TAF4: variants seen among roughly 807,000 people sequenced by gnomAD.
The protein encoded by TAF4 is transcription initiation factor TFIID subunit 4.
In TAF4, 9 loss-of-function variants were observed where a neutral mutation model predicts 90.3. The ratio of observed to expected loss-of-function variants is 0.10; its 90% confidence interval spans 0.06 to 0.17. The LOEUF is 0.17. Ranked by LOEUF, TAF4 falls within the 10% of genes least tolerant of loss-of-function variation. The pLI, the probability that TAF4 is intolerant of heterozygous loss-of-function variation, is 1.00. For missense variants in TAF4, 1,351 were observed against 1,370.7 expected, an observed-to-expected ratio of 0.99 and a Z score of 0.23; for synonymous variants, 818 against 638.9, an observed-to-expected ratio of 1.28 and a Z score of -4.23.
intron 1 of TAF4, among the ~76,000 whole-genome samples, chr20:62,060,770 C>T (rs910625053): frequency 2.6e-5 from 4 of 152,206 alleles, no homozygotes; most frequent in Admixed American, 6.5e-5. Context: ...GCAACCCTCC[C>T]CTATGTTGGC....
rs1330227944 is a variant in TAF4, at chr20:62,015,097, G to A, written c.1361-390C>T. Among the ~76,000 whole-genome samples the A allele has an allele frequency of 1.3e-5, 2 of 152,124 alleles. 1 individual carries two copies. The highest frequency in any genetic ancestry group is 3.9e-4 in the East Asian group (2 of 5,166). ...GTGCCAGGGCCACGTCCGCTGGGCT[G>A]GGCCTAGAGGGCACAACCATGTCTA... On this transcript the variant is annotated intron_variant, in intron 1 of 14. Transcript: ENST00000252996.
At chr20:62,025,822 A>G (rs1331432142) in intron 1 of TAF4, among the ~76,000 whole-genome samples, 1 of 152,242 alleles carries the variant, frequency 6.6e-6, no homozygotes, top group East Asian at 1.9e-4. Context: ...CTGCAGTGAC[A>G]GAAAGCAGAT....
chr20:62,062,512 T>A (rs1335269191), intron 1 of TAF4, among the ~76,000 whole-genome samples: 1 of 152,188 alleles, frequency 6.6e-6, no homozygotes, highest in Non-Finnish European at 1.5e-5. Context: ...CTCACTTTTT[T>A]AGATAGTAGC....
intron 14 of TAF4, among the ~76,000 whole-genome samples, chr20:61,986,565 A>ATGCC (rs1319415708): frequency 6.6e-6 from 1 of 152,288 alleles, no homozygotes; most frequent in Non-Finnish European, 1.5e-5. Flanking sequence ...AAAGGAAGCA[A>ATGCC]TGCCCCTCCA....
intron 1 of TAF4, among the ~76,000 whole-genome samples, chr20:62,044,306 A>T (rs1402765939): frequency 6.6e-6 from 1 of 152,268 alleles, no homozygotes; most frequent in Admixed American, 6.5e-5. Context: ...TCAAGGTAAA[A>T]ATTAGCGTAT....
intron 14 of TAF4, among the ~76,000 whole-genome samples, chr20:61,976,800 T>C (rs1016586121): frequency 2.0e-5 from 3 of 152,196 alleles, no homozygotes; most frequent in Non-Finnish European, 2.9e-5. Context: ...GGACTGGGCA[T>C]GCTGGGTCAG....
chr20:62,019,786 C>T (rs1404901063), intron 1 of TAF4, among the ~76,000 whole-genome samples: 1 of 152,244 alleles, frequency 6.6e-6, no homozygotes, highest in Admixed American at 6.5e-5. Context: ...CAACAGTTTT[C>T]CTGATTCCTT....
intron 1 of TAF4, among the ~76,000 whole-genome samples, chr20:62,028,308 C>T (rs1233367084): frequency 6.6e-6 from 1 of 152,204 alleles, no homozygotes; most frequent in African/African-American, 2.4e-5. Flanking sequence ...TTTAAGTTAA[C>T]TTTAAATGGC....
At chr20:62,028,548 A>G (rs2055886617) in intron 1 of TAF4, among the ~76,000 whole-genome samples, 1 of 152,108 alleles carries the variant, frequency 6.6e-6, no homozygotes, top group Non-Finnish European at 1.5e-5. Flanking sequence ...TCCCGAGAAC[A>G]CTGCGGGGCG....
intron 1 of TAF4, among the ~76,000 whole-genome samples, chr20:62,042,846 G>A (rs910498430): frequency 1.3e-5 from 2 of 152,006 alleles, no homozygotes; most frequent in East Asian, 3.9e-4. Context: ...CCAGAAGAAG[G>A]TACTGATATC....
At chr20:62,056,360 C>T (rs574689133) in intron 1 of TAF4, among the ~76,000 whole-genome samples, 1 of 152,304 alleles carries the variant, frequency 6.6e-6, no homozygotes, top group South Asian at 2.1e-4. Context: ...AAACTAGACA[C>T]GATTTTCTTC....
intron 5 of TAF4, 50 bp from the exon 6 acceptor site, chr20:62,007,686 C>T (rs368682244): frequency 4.6e-6 from 7 of 1,521,770 alleles, no homozygotes; most frequent in Non-Finnish European, 5.4e-6. Flanking sequence ...ATTCCACACA[C>T]ACTTCTGAAT....
chr20:62,022,820 A>C (rs1484661839), intron 1 of TAF4, among the ~76,000 whole-genome samples: 2 of 152,140 alleles, frequency 1.3e-5, no homozygotes, highest in East Asian at 3.9e-4. Flanking sequence ...TATTTTGCTA[A>C]AAATTAAACT....
At chr20:62,060,113 G>A (rs893830150) in intron 1 of TAF4, among the ~76,000 whole-genome samples, 3 of 152,238 alleles carry the variant, frequency 2.0e-5, no homozygotes, top group Admixed American at 2.0e-4. Flanking sequence ...TGTCTAAGGG[G>A]CAACTTCCAC....
At chr20:61,994,064 T>C (rs951674930) in intron 14 of TAF4, among the ~76,000 whole-genome samples, 1 of 151,398 alleles carries the variant, frequency 6.6e-6, no homozygotes, top group African/African-American at 2.4e-5. Context: ...GGCTACAAAA[T>C]CTATGCCTTT....
chr20:62,009,974 T>C (rs980467134), intron 4 of TAF4, 72 bp downstream of exon 4: 4 of 1,599,756 alleles, frequency 2.5e-6, no homozygotes, highest in African/African-American at 1.3e-5. Flanking sequence ...GCCTGAGGTC[T>C]CAAGGCTGCA....
intron 14 of TAF4, among the ~76,000 whole-genome samples, chr20:61,996,795 C>CA (rs752885979): frequency 0.063 from 4,969 of 78,908 alleles, 199 homozygotes; most frequent in African/African-American, 0.15. Context: ...AAGACTGTCT[C>CA]AAAAAAAAAA....
At chr20:62,028,587 A>T (rs1419214232) in intron 1 of TAF4, among the ~76,000 whole-genome samples, 1 of 152,074 alleles carries the variant, frequency 6.6e-6, no homozygotes, top group African/African-American at 2.4e-5. Context: ...ACTTTAGGAA[A>T]TTCTTAGCAC....
At chr20:62,056,718 C>T (rs552505788) in intron 1 of TAF4, among the ~76,000 whole-genome samples, 5 of 152,010 alleles carry the variant, frequency 3.3e-5, no homozygotes, top group Admixed American at 3.3e-4. Context: ...TGAGACACCC[C>T]GAAATTTTAG....
Sources: allele counts gnomAD v4.1 joint callset (sites outside exome capture counted in the v4.1 genomes callset), GRCh38; gene constraint gnomAD v4.1.1; transcripts MANE v1.5; gene names NCBI Gene and HGNC (gene_info 2026-07-23, HGNC 2026-07-21).